The following LRMDA variants were observed in gnomAD, a reference collection of about 807,000 sequenced individuals.
The protein encoded by LRMDA is leucine-rich melanocyte differentiation-associated protein.
LRMDA carries 18 observed loss-of-function variants against 29.8 expected under a neutral mutation model. That is an observed-to-expected ratio of 0.60 (90% CI 0.42 to 0.90). The LOEUF (loss-of-function observed/expected upper bound fraction) is 0.90. Ranked by LOEUF, LRMDA falls within the 40% of genes least tolerant of loss-of-function variation. The pLI is 0.00. For synonymous variants in LRMDA, 125 were observed against 109.4 expected (o/e 1.14, Z -0.89); for missense variants, 273 against 273.9 (o/e 1.00, Z 0.02).
intron 5 of LRMDA, among the ~76,000 whole-genome samples, chr10:76,131,728 CTGAACATTTCAAA>C: frequency 6.6e-6 from 1 of 151,950 alleles, no homozygotes; most frequent in Non-Finnish European, 1.5e-5. Flanking sequence ...TCTAGTGAGA[CTGAACATTTCAAA>C]AATGTGCTTA....
At chr10:75,507,331 C>G (rs1845181427) in intron 2 of LRMDA, among the ~76,000 whole-genome samples, 1 of 152,156 alleles carries the variant, frequency 6.6e-6, no homozygotes, top group South Asian at 2.1e-4. Flanking sequence ...AGGAGCTCTC[C>G]TGAAGCAGCT....
intron 2 of LRMDA, among the ~76,000 whole-genome samples, chr10:75,515,838 G>T (rs1224150086): frequency 6.6e-6 from 1 of 151,988 alleles, no homozygotes; most frequent in Non-Finnish European, 1.5e-5. Context: ...TTCTCCTAAT[G>T]CTATCCCTCC....
chr10:76,329,457 A>G (rs967873683), intron 6 of LRMDA, among the ~76,000 whole-genome samples: 1 of 152,220 alleles, frequency 6.6e-6, no homozygotes, highest in African/African-American at 2.4e-5. Context: ...TTAGCTTGCC[A>G]TATTAAACAT....
At chr10:75,736,967 A>G (rs1842770916) in intron 2 of LRMDA, among the ~76,000 whole-genome samples, 1 of 152,122 alleles carries the variant, frequency 6.6e-6, no homozygotes. Flanking sequence ...AACACGGCTG[A>G]TTTGGAGGTT....
chr10:75,840,279 C>T (rs1357446479), intron 2 of LRMDA, among the ~76,000 whole-genome samples: 1 of 152,094 alleles, frequency 6.6e-6, no homozygotes, highest in African/African-American at 2.4e-5. Flanking sequence ...GGATTGAGAA[C>T]CCTCTCTTTT....
intron 2 of LRMDA, among the ~76,000 whole-genome samples, chr10:75,997,138 T>C (rs1847482111): frequency 6.6e-6 from 1 of 152,220 alleles, no homozygotes; most frequent in South Asian, 2.1e-4. Flanking sequence ...TAAGGTTGCC[T>C]GTAATTCCCC....
At chr10:75,984,401 C>T (rs150508988) in intron 2 of LRMDA, among the ~76,000 whole-genome samples, 378 of 152,308 alleles carry the variant, frequency 2.5e-3, no homozygotes, top group Non-Finnish European at 4.2e-3. Context: ...GCCATGGAGC[C>T]GTCAACTTCT....
In LRMDA at chr10:76,303,930, T is replaced by G. The variant is rs550171122; in HGVS notation, c.517-20471T>G. ...AATAGGTTACACTACAGCACCCCCTTCTGCCGACTGAGCTGTGTGACAAGA... is the reference window on the plus strand; with the variant it reads ...AATAGGTTACACTACAGCACCCCCTGCTGCCGACTGAGCTGTGTGACAAGA... On this transcript the variant is annotated intron_variant, in intron 5 of 6. Coordinates refer to ENST00000611255, the MANE Select transcript of LRMDA (RefSeq NM_001305581.2). Among the ~76,000 whole-genome samples, 6 of 152,144 alleles carry G rather than the reference T, an allele frequency of 3.9e-5. No individual in the cohort carries two copies. In the East Asian group the frequency reaches 1.2e-3, roughly 29 times the overall value.
In LRMDA at chr10:75,709,350, GTGTGTGTGTC is replaced by G. The variant is rs911729078; in HGVS notation, c.131+270865_131+270874del. On this transcript the variant is annotated intron_variant, in intron 2 of 6. Transcript: ENST00000611255. ...ATGATGTGTGCATGTGCATGCATAA[GTGTGTGTGTC>G]TGTGTGTGCGTGCATGCGTATGTGT... 1.2e-3 allele frequency among the ~76,000 whole-genome samples: 187 copies of G among 152,172 alleles called. 1 individual carries two copies. The highest frequency in any genetic ancestry group is 4.4e-3 in the African/African-American group (182 of 41,516).
At chr10:76,001,478 A>G (rs1435784975) in intron 2 of LRMDA, among the ~76,000 whole-genome samples, 3 of 152,206 alleles carry the variant, frequency 2.0e-5, no homozygotes, top group Admixed American at 6.5e-5. Context: ...AATCATTTTT[A>G]TAGTTTTGAA....
intron 5 of LRMDA, among the ~76,000 whole-genome samples, chr10:76,122,663 ATC>A (rs1849810111): frequency 6.6e-6 from 1 of 152,172 alleles, no homozygotes; most frequent in South Asian, 2.1e-4. Flanking sequence ...CAAATGAAGC[ATC>A]TCTCTTACAA....
intron 6 of LRMDA, among the ~76,000 whole-genome samples, chr10:76,452,119 A>C (rs2132300666): frequency 6.6e-6 from 1 of 152,326 alleles, no homozygotes; most frequent in East Asian, 1.9e-4. Context: ...CAGTGTGGAC[A>C]GGAAGTGGGT....
intron 2 of LRMDA, among the ~76,000 whole-genome samples, chr10:75,888,348 G>T (rs913428795): frequency 6.6e-6 from 1 of 152,162 alleles, no homozygotes; most frequent in Non-Finnish European, 1.5e-5. Context: ...GCATTTACAC[G>T]TTCAGGTACA....
intron 2 of LRMDA, among the ~76,000 whole-genome samples, chr10:75,465,591 T>G (rs2132041051): frequency 6.6e-6 from 1 of 152,302 alleles, no homozygotes; most frequent in East Asian, 1.9e-4. Flanking sequence ...GCAGCTCTGA[T>G]TTCAATTAAC....
At chr10:75,825,426 G>T (rs1209729719) in intron 2 of LRMDA, among the ~76,000 whole-genome samples, 3 of 152,120 alleles carry the variant, frequency 2.0e-5, no homozygotes, top group African/African-American at 7.2e-5. Flanking sequence ...CTTCACACAT[G>T]GTGTATTTCT....
chr10:76,305,919 G>A lies in LRMDA; in HGVS notation c.517-18482G>A, dbSNP rs868568251. Among the ~76,000 whole-genome samples, 6 of 152,192 alleles carry A rather than the reference G, an allele frequency of 3.9e-5. No homozygotes were observed. In the South Asian group the frequency reaches 6.2e-4, roughly 16 times the overall value. ...AATAAAGGAGAAAAGATTTTTGGGGGTTATTTCTCAAATGACTTTCCATCT... is the reference window on the plus strand; with the variant it reads ...AATAAAGGAGAAAAGATTTTTGGGGATTATTTCTCAAATGACTTTCCATCT... On this transcript the variant is annotated intron_variant, in intron 5 of 6. Coordinates refer to ENST00000611255, the MANE Select transcript of LRMDA (RefSeq NM_001305581.2).
At position 75,578,215 on chromosome 10, in the gene LRMDA, C is replaced by CAAAAAAAAAAAAAAAAAAAAAAAAA. The variant is rs1183989010; in HGVS notation, c.131+139745_131+139746insAAAAAAAAAAAAAAAAAAAAAAAAA. ...GTATATTTACCAAGCAAATGGAAAG[C>CAAAAAAAAAAAAAAAAAAAAAAAAA]AAAAAAAAAAAAAAAAAAAAAAAAG... is the stretch of plus-strand genomic sequence containing the variant. On this transcript the variant is annotated intron_variant, in intron 2 of 6. Transcript: ENST00000611255. Among the ~76,000 whole-genome samples the CAAAAAAAAAAAAAAAAAAAAAAAAA allele has an allele frequency of 1.8e-3, 26 of 14,224 alleles. 7 individuals are homozygous for CAAAAAAAAAAAAAAAAAAAAAAAAA. The highest frequency in any genetic ancestry group is 0.01 in the East Asian group (1 of 98). The allele number at this position is 14,224 out of a possible 152,430, so 9.3% of individuals were successfully genotyped here. A position where few individuals can be genotyped will look rare whatever the true frequency, so the allele number is the denominator to read the frequency against.
chr10:75,547,540 G>A (rs1056063221), intron 2 of LRMDA, among the ~76,000 whole-genome samples: 87 of 152,204 alleles, frequency 5.7e-4, no homozygotes, highest in African/African-American at 2.0e-3. Context: ...AAGTGCTGTG[G>A]AATGTGTGTG....
At chr10:76,281,928 G>C (rs189491897) in intron 5 of LRMDA, among the ~76,000 whole-genome samples, 46 of 152,238 alleles carry the variant, frequency 3.0e-4, no homozygotes, top group Non-Finnish European at 1.5e-5. Context: ...ATTTTTCCAA[G>C]AACCATCCAG....
Sources: gnomAD v4.1 joint callset for allele counts (sites outside exome capture counted in the v4.1 genomes callset) on GRCh38, gnomAD v4.1.1 for gene constraint, MANE v1.5 for transcripts, NCBI Gene and HGNC (gene_info 2026-07-23, HGNC 2026-07-21) for gene names.